Variants in SDC2 observed in about 807,000 individuals in gnomAD.
SDC2 encodes syndecan-2.
A neutral mutation model predicts 22.2 loss-of-function variants in SDC2; 13 were observed. The ratio of observed to expected loss-of-function variants is 0.59; its 90% CI spans 0.38 to 0.93. The LOEUF (loss-of-function observed/expected upper bound fraction) is 0.93, where lower values mean the gene tolerates loss of function less well. Ranked by LOEUF, SDC2 falls within the 40% of genes least tolerant of loss-of-function variation. The pLI, the probability that SDC2 is intolerant of heterozygous loss-of-function variation, is 0.00. For missense variants in SDC2, 235 were observed against 246.8 expected, an observed-to-expected ratio of 0.95 and a Z score of 0.32; for synonymous variants, 94 against 92.8, an observed-to-expected ratio of 1.01 and a Z score of -0.07.
At chr8:96,591,033 G>A (rs1372262745) in intron 1 of SDC2, among the ~76,000 whole-genome samples, 2 of 152,222 alleles carry the variant, frequency 1.3e-5, no homozygotes, top group African/African-American at 2.4e-5. Flanking sequence ...GACTGCCAGT[G>A]TGGTTGAACG....
At position 96,506,877 on chromosome 8, in the gene SDC2, C is replaced by T. The variant is rs531449360; in HGVS notation, c.60+12546C>T. Reference sequence around the variant, plus strand: ...ACAAAAAATTAGCTGGGTGTGGTGGCGGGCGCCTGTAGTCCCAGCTACTCG... The same window carrying T: ...ACAAAAAATTAGCTGGGTGTGGTGGTGGGCGCCTGTAGTCCCAGCTACTCG... On this transcript the variant is annotated intron_variant, in intron 1 of 4. Transcript: ENST00000302190. Among the ~76,000 whole-genome samples, 190 of 152,008 alleles carry T rather than the reference C, an allele frequency of 1.2e-3. 1 individual carries two copies. Among genetic ancestry groups the T allele is most frequent in the Admixed American group, 1.4e-3 (21 of 15,266 alleles).
intron 1 of SDC2, among the ~76,000 whole-genome samples, chr8:96,558,094 C>G (rs999647810): frequency 6.6e-6 from 1 of 151,972 alleles, no homozygotes; most frequent in Non-Finnish European, 1.5e-5. Flanking sequence ...AGGATTCATT[C>G]TGTTCTTGGT....
intron 1 of SDC2, among the ~76,000 whole-genome samples, chr8:96,555,430 G>A (rs16894729): frequency 0.16 from 25,063 of 152,010 alleles, 2,312 homozygotes; most frequent in East Asian, 0.39. Context: ...GGCAGAATGT[G>A]AAGCGCTGTA....
intron 1 of SDC2, among the ~76,000 whole-genome samples, chr8:96,529,531 C>T (rs996139559): frequency 3.9e-5 from 6 of 152,198 alleles, no homozygotes; most frequent in East Asian, 1.9e-4. Context: ...AAAAATAAAA[C>T]GGCAAACATG....
chr8:96,593,564 G>T lies in SDC2; in HGVS notation c.145G>T (p.Asp49Tyr). 3.7e-6 allele frequency: 6 copies of T among 1,613,530 alleles called. No individual in the cohort carries two copies. The highest frequency in any genetic ancestry group is 5.1e-6 in the Non-Finnish European group (6 of 1,179,478). Residue 49 changes from aspartate (D) to tyrosine (Y), a missense_variant, in exon 2 of 5, where the codon GAT becomes TAT. Coordinates refer to ENST00000302190, the MANE Select transcript of SDC2 (RefSeq NM_002998.4). ...EASGVYPIDD[D>Y]DYASASGSGA... ...TTCAGGAGTGTATCCTATTGATGAC[G>T]ATGACTACGCTTCTGCGTCTGGCTC...
intron 1 of SDC2, among the ~76,000 whole-genome samples, chr8:96,495,270 G>C (rs900559431): frequency 2.6e-5 from 4 of 152,232 alleles, no homozygotes; most frequent in Non-Finnish European, 5.9e-5. Context: ...CCGGCGGAGC[G>C]CCTGCCGGCA....
At chr8:96,501,794 T>G (rs544139923) in intron 1 of SDC2, among the ~76,000 whole-genome samples, 1 of 152,164 alleles carries the variant, frequency 6.6e-6, no homozygotes, top group African/African-American at 2.4e-5. Flanking sequence ...TCTCTCTCCT[T>G]AATATTTACT....
intron 1 of SDC2, among the ~76,000 whole-genome samples, chr8:96,514,345 G>A (rs1586273657): frequency 1.3e-5 from 2 of 152,294 alleles, no homozygotes; most frequent in East Asian, 3.9e-4. Flanking sequence ...CCACAGGCCA[G>A]CACGAAGAAT....
rs1815168060 is a variant in SDC2, at chr8:96,611,121, A to G, written c.*1573A>G. ...GACTACAGTAGCTCACGTTACAGGG[A>G]AGGAGGGTAGGCAGGGAGGCTCTGT... On this transcript the variant is annotated 3_prime_UTR_variant, in exon 5 of 5. Coordinates refer to ENST00000302190, the MANE Select transcript of SDC2 (RefSeq NM_002998.4). The G allele has an allele frequency of 6.6e-6, 1 of 152,590 alleles. No individual in the cohort carries two copies. Among genetic ancestry groups the G allele is most frequent in the African/African-American group, 2.4e-5 (1 of 41,422 alleles). The allele number at this position is 152,590 out of a possible 1,614,324, so 9.5% of individuals were successfully genotyped here.
At chr8:96,583,714 T>C (rs887871363) in intron 1 of SDC2, among the ~76,000 whole-genome samples, 3 of 131,420 alleles carry the variant, frequency 2.3e-5, no homozygotes, top group Non-Finnish European at 4.9e-5. Flanking sequence ...TGTGTGTGTG[T>C]GTGTATATAT....
At chr8:96,563,913 A>C (rs1296183269) in intron 1 of SDC2, among the ~76,000 whole-genome samples, 2 of 152,216 alleles carry the variant, frequency 1.3e-5, no homozygotes, top group Non-Finnish European at 2.9e-5. Context: ...GGACACTTAC[A>C]TATTTAGCTG....
chr8:96,537,176 G>T (rs1472942394), intron 1 of SDC2: 1 of 152,128 alleles, frequency 6.6e-6, no homozygotes, highest in Non-Finnish European at 1.5e-5. Flanking sequence ...GCAATTTTAG[G>T]GGGCTGAAAA....
chr8:96,579,849 A>C (rs1258722470), intron 1 of SDC2, among the ~76,000 whole-genome samples: 1 of 152,264 alleles, frequency 6.6e-6, no homozygotes, highest in East Asian at 1.9e-4. Context: ...TTTTGAATAT[A>C]ACATTTTAAT....
At chr8:96,538,817 T>C (rs1287755982) in intron 1 of SDC2, 1 of 148,756 alleles carries the variant, frequency 6.7e-6, no homozygotes. Context: ...AACAGCTGGC[T>C]GGGTCTGGGC....
chr8:96,533,836 G>C (rs1164164337), intron 1 of SDC2, among the ~76,000 whole-genome samples: 1 of 152,202 alleles, frequency 6.6e-6, no homozygotes, highest in East Asian at 1.9e-4. Context: ...AGTCCTGCTC[G>C]GTGTGCCCGC....
chr8:96,599,168 C>G (rs971021950), intron 2 of SDC2, among the ~76,000 whole-genome samples: 3 of 152,052 alleles, frequency 2.0e-5, no homozygotes, highest in African/African-American at 7.2e-5. Context: ...GTCTTGATCT[C>G]CTGACCTCGT....
chr8:96,587,074 T>C (rs1814699445), intron 1 of SDC2, among the ~76,000 whole-genome samples: 7 of 152,016 alleles, frequency 4.6e-5, no homozygotes, highest in Admixed American at 3.3e-4. Flanking sequence ...AGGCACCTGC[T>C]ACCACGCCTG....
At chr8:96,578,028 C>T (rs1563668461) in intron 1 of SDC2, among the ~76,000 whole-genome samples, 1 of 152,184 alleles carries the variant, frequency 6.6e-6, no homozygotes, top group African/African-American at 2.4e-5. Context: ...CAGCACATAG[C>T]AGTTGTTTGA....
intron 3 of SDC2, among the ~76,000 whole-genome samples, chr8:96,605,022 G>T (rs1338345842): frequency 1.3e-5 from 2 of 152,222 alleles, no homozygotes; most frequent in African/African-American, 4.8e-5. Context: ...GTTCTGTGGA[G>T]TCCTTCAGTT....
Sources: allele counts gnomAD v4.1 joint callset (sites outside exome capture counted in the v4.1 genomes callset), GRCh38; gene constraint gnomAD v4.1.1; transcripts MANE v1.5; gene names NCBI Gene and HGNC (gene_info 2026-07-23, HGNC 2026-07-21).